Variants in GLIS3 observed in about 807,000 individuals in gnomAD.
GLIS3 encodes GLIS family zinc finger 3.
In GLIS3, 53 loss-of-function variants were observed where a neutral mutation model predicts 78.6. The observed-to-expected ratio is 0.67, with a 90% CI of 0.54 to 0.85. The LOEUF (loss-of-function observed/expected upper bound fraction) is 0.85. Ranked by LOEUF, GLIS3 falls within the 40% of genes least tolerant of loss-of-function variation. GLIS3 has a pLI of 0.00. For synonymous variants in GLIS3, 684 were observed against 509.9 expected (o/e 1.34, Z -4.60); for missense variants, 1,703 against 1,231.1 (o/e 1.38, Z -5.74).
intron 2 of GLIS3, among the ~76,000 whole-genome samples, chr9:4,131,115 T>C (rs1324918011): frequency 6.6e-6 from 1 of 152,168 alleles, no homozygotes; most frequent in African/African-American, 2.4e-5. Context: ...TTGGCCAATT[T>C]CTCCCTTTTG....
the GLIS3 span, among the ~76,000 whole-genome samples, chr9:4,471,708 T>C: frequency 1.2e-4 from 19 of 152,160 alleles, no homozygotes; most frequent in Non-Finnish European, 2.9e-5. Context: ...AAGGACTTCA[T>C]GACTAAAACA....
chr9:3,898,592 G>C (rs762852840), intron 7 of GLIS3, 99 bp downstream of exon 7: 4 of 1,437,228 alleles, frequency 2.8e-6, no homozygotes, highest in Non-Finnish European at 3.9e-6. Context: ...CAACACAGAC[G>C]ATCTTAGGAA....
At chr9:3,851,858 TG>T (rs1819454992) in intron 9 of GLIS3, among the ~76,000 whole-genome samples, 1 of 152,156 alleles carries the variant, frequency 6.6e-6, no homozygotes, top group Admixed American at 6.6e-5. Context: ...GAATATGGCT[TG>T]GGGCTGGGAG....
the GLIS3 span, among the ~76,000 whole-genome samples, chr9:4,460,798 G>A: frequency 6.6e-6 from 1 of 152,118 alleles, no homozygotes; most frequent in African/African-American, 2.4e-5. Context: ...TTTCTTTCTA[G>A]TTCTGACAAA....
the GLIS3 span, among the ~76,000 whole-genome samples, chr9:4,391,889 C>T: frequency 1.3e-5 from 2 of 152,188 alleles, no homozygotes; most frequent in Non-Finnish European, 2.9e-5. Flanking sequence ...GCCTAGCAAT[C>T]CCATTACTGG....
chr9:3,937,314 A>G, intron 4 of GLIS3, 125 bp from the exon 5 acceptor site: 1 of 940,394 alleles, frequency 1.1e-6, no homozygotes, highest in Non-Finnish European at 1.6e-6. Context: ...AATCAAATCC[A>G]AACAGTAATA....
At chr9:4,476,316 T>G in the GLIS3 span, among the ~76,000 whole-genome samples, 1 of 152,188 alleles carries the variant, frequency 6.6e-6, no homozygotes, top group Non-Finnish European at 1.5e-5. Flanking sequence ...CTGGGGACCA[T>G]GAGAACCACA....
intron 2 of GLIS3, among the ~76,000 whole-genome samples, chr9:4,246,150 G>A (rs1204194823): frequency 6.6e-6 from 1 of 152,172 alleles, no homozygotes; most frequent in Non-Finnish European, 1.5e-5. Context: ...GCTGAGGCAA[G>A]TAGTTCAAGG....
chr9:4,132,467 T>C (rs957343785), intron 2 of GLIS3, among the ~76,000 whole-genome samples: 3 of 152,222 alleles, frequency 2.0e-5, no homozygotes, highest in Non-Finnish European at 4.4e-5. Context: ...TATTTATGTG[T>C]ATCCACTGGT....
intron 2 of GLIS3, among the ~76,000 whole-genome samples, chr9:4,212,769 G>C (rs1820486197): frequency 6.6e-6 from 1 of 152,204 alleles, no homozygotes; most frequent in Non-Finnish European, 1.5e-5. Context: ...CATCTAAATA[G>C]GGCATAGTGT....
At chr9:4,026,114 G>C (rs980543907) in intron 4 of GLIS3, among the ~76,000 whole-genome samples, 6 of 152,184 alleles carry the variant, frequency 3.9e-5, no homozygotes, top group African/African-American at 1.4e-4. Context: ...TATATGATTA[G>C]TCTACAAAGG....
At chr9:3,945,980 C>G (rs1403333703) in intron 4 of GLIS3, among the ~76,000 whole-genome samples, 2 of 151,058 alleles carry the variant, frequency 1.3e-5, no homozygotes, top group Non-Finnish European at 2.9e-5. Context: ...GCCAGCCAAG[C>G]TGCATTCCCT....
intron 4 of GLIS3, among the ~76,000 whole-genome samples, chr9:3,978,649 A>G (rs758383952): frequency 6.6e-6 from 1 of 151,788 alleles, no homozygotes; most frequent in Non-Finnish European, 1.5e-5. Flanking sequence ...TATAAATACT[A>G]ATACAGAGTA....
At chr9:4,032,449 A>C (rs1017880960) in intron 4 of GLIS3, among the ~76,000 whole-genome samples, 2 of 151,826 alleles carry the variant, frequency 1.3e-5, no homozygotes, top group African/African-American at 4.8e-5. Flanking sequence ...TTTTTTTCAA[A>C]ATTTTATATT....
chr9:4,137,864 A>T (rs1833514635), intron 2 of GLIS3, among the ~76,000 whole-genome samples: 1 of 152,240 alleles, frequency 6.6e-6, no homozygotes, highest in Non-Finnish European at 1.5e-5. Context: ...ACCAAAGAGG[A>T]AATGTAAGCA....
chr9:4,180,213 G>C (rs1817183936), intron 2 of GLIS3, among the ~76,000 whole-genome samples: 1 of 152,144 alleles, frequency 6.6e-6, no homozygotes, highest in African/African-American at 2.4e-5. Context: ...GGACTGGAGA[G>C]ACTTGGGAAC....
chr9:4,362,974 G>C, the GLIS3 span, among the ~76,000 whole-genome samples: 10 of 152,266 alleles, frequency 6.6e-5, no homozygotes, highest in Admixed American at 5.2e-4. Context: ...AGAGAAGATA[G>C]AGGCAGAAGA....
chr9:4,443,223 C>A, the GLIS3 span, among the ~76,000 whole-genome samples: 1 of 152,180 alleles, frequency 6.6e-6, no homozygotes, highest in African/African-American at 2.4e-5. Flanking sequence ...CTTCTAGACC[C>A]AGAGCCCAGC....
At chr9:3,976,375 A>G (rs1818790907) in intron 4 of GLIS3, among the ~76,000 whole-genome samples, 1 of 152,152 alleles carries the variant, frequency 6.6e-6, no homozygotes, top group South Asian at 2.1e-4. Context: ...CTCATGACAT[A>G]GGAAATCACA....
Sources: gnomAD v4.1 joint callset for allele counts (sites outside exome capture counted in the v4.1 genomes callset) on GRCh38, gnomAD v4.1.1 for gene constraint, MANE v1.5 for transcripts, NCBI Gene and HGNC (gene_info 2026-07-23, HGNC 2026-07-21) for gene names.